The following GIPC1 variants were observed in gnomAD, a reference collection of about 807,000 sequenced individuals.
GIPC1 encodes the protein GIPC PDZ domain containing family member 1.
GIPC1 carries 15 observed loss-of-function variants against 28.5 expected under a neutral mutation model. The observed-to-expected ratio is 0.53, with a 90% CI of 0.35 to 0.81. GIPC1 has a LOEUF of 0.81. GIPC1 is among the 30% of genes least tolerant of loss of function. The pLI is 0.01. For missense variants in GIPC1, 439 were observed against 481.9 expected (o/e 0.91, Z 0.83); for synonymous variants, 224 against 206.1 (o/e 1.09, Z -0.74).
chr19:14,484,580 C>A (rs1187811), intron 3 of GIPC1, among the ~76,000 whole-genome samples: 83,443 of 150,472 alleles, frequency 0.55, 23,436 homozygotes, highest in East Asian at 0.76. Context: ...CCTGTCTCTA[C>A]CAAAAAAACA....
chr19:14,487,258 G>C lies in GIPC1; in HGVS notation c.-30-4252C>G, dbSNP rs142502013. The stretch of plus-strand genomic sequence containing the variant: ...TTTCTTTTTTTTTTTTTGAGACAGA[G>C]TCTGTTCTGTGTTGCCCAGGCTGGA... On this transcript the variant is annotated intron_variant, in intron 3 of 8. Transcript: ENST00000393033. Among the ~76,000 whole-genome samples the C allele has an allele frequency of 1.5e-3, 227 of 147,840 alleles. 3 individuals carry two copies. The highest frequency in any genetic ancestry group is 0.011 in the East Asian group (55 of 5,066).
chr19:14,485,729 A>AGAGAGAGG (rs1568365232), intron 3 of GIPC1, among the ~76,000 whole-genome samples: 55 of 146,876 alleles, frequency 3.7e-4, no homozygotes, highest in African/African-American at 1.3e-3. Context: ...AGAGAGAGAG[A>AGAGAGAGG]GAGAGAGAGA....
At chr19:14,489,273 C>T (rs112332467) in intron 3 of GIPC1, 671 of 679,492 alleles carry the variant, frequency 9.9e-4, no homozygotes, top group African/African-American at 2.1e-3. Context: ...CTCGAACAAT[C>T]GATTGGCTAA....
intron 3 of GIPC1, among the ~76,000 whole-genome samples, chr19:14,488,481 C>T (rs534918598): frequency 9.4e-5 from 14 of 148,602 alleles, no homozygotes; most frequent in South Asian, 4.3e-4. Flanking sequence ...TAGCCAGGCG[C>T]GGTGGCTCAT....
intron 4 of GIPC1, chr19:14,482,241 A>G (rs1391655735): frequency 1.5e-5 from 3 of 205,400 alleles, no homozygotes; most frequent in African/African-American, 7.2e-5. Context: ...CAGGCCTCTC[A>G]ATCCATCCAT....
intron 3 of GIPC1, among the ~76,000 whole-genome samples, chr19:14,491,218 G>A (rs971932467): frequency 1.3e-5 from 2 of 151,164 alleles, no homozygotes; most frequent in African/African-American, 4.9e-5. Context: ...CTATCCAATG[G>A]TCTCTTCCAG....
intron 2 of GIPC1, among the ~76,000 whole-genome samples, chr19:14,492,339 C>T (rs1023394884): frequency 7.9e-5 from 12 of 151,672 alleles, no homozygotes; most frequent in Non-Finnish European, 1.5e-4. Context: ...CGGAGTCTCG[C>T]TCTGTTGCCC....
chr19:14,478,884 G>T lies in GIPC1; in HGVS notation c.769-119C>A. 1.2e-6 allele frequency: 1 copy of T among 800,658 alleles called. No homozygotes were observed. 49.6% of individuals were successfully genotyped at this position (800,658 alleles called of 1,614,324 possible). A position where few individuals can be genotyped will look rare whatever the true frequency, so the allele number is the denominator to read the frequency against. On this transcript the variant is annotated intron_variant, in intron 7 of 8. Transcript: ENST00000393033. This position sits in a 1 kb window ranked among gnomAD's most constrained non-coding sequence, Gnocchi z 5.2. ...CGTATTTAGACCTCAGGACAACCCTGAGAAGGTGGTATCGGTGTTCAGCTC... is the reference window on the plus strand; with the variant it reads ...CGTATTTAGACCTCAGGACAACCCTTAGAAGGTGGTATCGGTGTTCAGCTC...
intron 3 of GIPC1, among the ~76,000 whole-genome samples, chr19:14,487,262 G>A (rs2071868413): frequency 7.0e-6 from 1 of 141,954 alleles, no homozygotes; most frequent in Admixed American, 7.2e-5. Context: ...GACAGAGTCT[G>A]TTCTGTGTTG....
At chr19:14,479,382 C>A in intron 7 of GIPC1, 30 bp downstream of exon 7, 1 of 907,298 alleles carries the variant, frequency 1.1e-6, no homozygotes, top group Non-Finnish European at 1.6e-6. Context: ...GGAAGGGATG[C>A]CGGAGATAGG....
chr19:14,489,524 T>A (rs781659994), intron 3 of GIPC1: 12 of 888,174 alleles, frequency 1.4e-5, no homozygotes, highest in Non-Finnish European at 2.1e-5. Flanking sequence ...GATGAATGTG[T>A]GGAGATGGCG....
chr19:14,495,120 A>T (rs1429770479), intron 1 of GIPC1, among the ~76,000 whole-genome samples: 2 of 152,148 alleles, frequency 1.3e-5, no homozygotes, highest in Non-Finnish European at 2.9e-5. Flanking sequence ...GCCTCGGCCC[A>T]GGTTGCCAGG....
rs1568361043 is a variant in GIPC1 at position 14,480,489 on chromosome 19, C to CA, written c.475-5_475-4insT. The CA allele has an allele frequency of 6.2e-7, 1 of 1,608,802 alleles. No homozygotes were observed. The highest frequency in any genetic ancestry group is 1.1e-5 in the South Asian group (1 of 90,664). On this transcript the variant is annotated splice_region_variant and splice_polypyrimidine_tract_variant and intron_variant, in intron 5 of 8. Transcript: ENST00000393033. ...TCACGCTGCCCTCCTTGATGCGCTG[C>CA]GGGGGCGGGGAGTCATCAGCCCTTG... is the stretch of plus-strand genomic sequence containing the variant.
In GIPC1 at chr19:14,477,966, G is replaced by A. The variant is rs1428845084; in HGVS notation, c.*450C>T. ...ACAGGGAGGGGGCTCCTCTCAGGAG[G>A]GGTGAGGGCATTATTGCATTTGCTG... On this transcript the variant is annotated 3_prime_UTR_variant, in exon 9 of 9. Transcript: ENST00000393033. 6.2e-6 allele frequency: 1 copy of A among 160,700 alleles called. No homozygotes were observed. Among genetic ancestry groups the A allele is most frequent in the Admixed American group, 6.1e-5 (1 of 16,506 alleles). 10.0% of individuals were successfully genotyped at this position (160,700 alleles called of 1,614,324 possible).
Position 14,478,666 on chromosome 19 carries a change from C to G in GIPC1, c.850+18G>C, listed in dbSNP as rs1018894760. ...CAGCAGACCTAGATGCCCCCTCCCC[C>G]AGGCAGCCCTCACTCACCCAGCTCC... On this transcript the variant is annotated intron_variant, in intron 8 of 8. Transcript: ENST00000393033. This position sits in a 1 kb window ranked among gnomAD's most constrained non-coding sequence, Gnocchi z 5.2. The G allele has an allele frequency of 3.7e-6, 6 of 1,613,014 alleles. No homozygotes were observed. Among genetic ancestry groups the G allele is most frequent in the African/African-American group, 1.3e-5 (1 of 74,860 alleles).
rs951168856 is a variant in GIPC1 at position 14,481,426 on chromosome 19, A to G, written c.289-648T>C. ...ACCCAGCTAGGATTTCGGTCCTAGC[A>G]AAAATTCATTGCTGTGCCAGGTGCG... On this transcript the variant is annotated intron_variant, in intron 4 of 8. Coordinates refer to ENST00000393033, the MANE Select transcript of GIPC1 (RefSeq NM_005716.4). Among the ~76,000 whole-genome samples, 58 of 152,266 alleles carry G rather than the reference A, an allele frequency of 3.8e-4. 1 individual carries two copies. The highest frequency in any genetic ancestry group is 1.4e-3 in the African/African-American group (57 of 41,564).
rs751847202 is a variant in GIPC1, at chr19:14,480,333, C to T, written c.627G>A (p.Leu209=). The T allele has an allele frequency of 2.5e-6, 4 of 1,611,684 alleles. No homozygotes were observed. In the South Asian group the frequency reaches 4.4e-5, roughly 18 times the overall value. The change falls in exon 6 of 9, where the codon CTG becomes CTA. Residue 209 remains leucine, a synonymous_variant. Transcript: ENST00000393033. ...AGGCCTTGCGAGGCTCCGTGAGCTT[C>T]AGCGTGAAGGTACGGCCTCGGGGCA... The part of the protein sequence containing the change: ...KELPRGRTFT[L]KLTEPRKAFD...
chr19:14,491,784 C>A (rs529521958), intron 2 of GIPC1, 41 bp from the exon 3 acceptor site: 2 of 152,236 alleles, frequency 1.3e-5, no homozygotes, highest in Admixed American at 1.3e-4. Context: ...TCTGCTCTGA[C>A]CCCTCCCCGG....
At chr19:14,486,872 G>A (rs1465130737) in intron 3 of GIPC1, among the ~76,000 whole-genome samples, 3 of 151,682 alleles carry the variant, frequency 2.0e-5, no homozygotes, top group Non-Finnish European at 4.4e-5. Context: ...CTGACCTCAA[G>A]TGATCCACCC....
Sources: allele counts gnomAD v4.1 joint callset (sites outside exome capture counted in the v4.1 genomes callset), GRCh38; gene constraint gnomAD v4.1.1; non-coding constraint Gnocchi (gnomAD v3.1); transcripts MANE v1.5; gene names NCBI Gene and HGNC (gene_info 2026-07-23, HGNC 2026-07-21).